The following ASMTL variants were observed in gnomAD, a reference collection of about 807,000 sequenced individuals.
The protein encoded by ASMTL is probable bifunctional dTTP/UTP pyrophosphatase/methyltransferase protein.
A neutral mutation model predicts 60.3 loss-of-function variants in ASMTL; 57 were observed. That is an observed-to-expected ratio of 0.95 (90% CI 0.76 to 1.18). The LOEUF (loss-of-function observed/expected upper bound fraction) is 1.18. Among genes scored for constraint, ASMTL ranks in the 50% most tolerant of loss-of-function variants. The pLI is 0.00. For missense variants in ASMTL, 981 were observed against 852.6 expected (o/e 1.15, Z -1.88); for synonymous variants, 419 against 373.0 (o/e 1.12, Z -1.42).
At chrX:1,430,656 C>T (rs1338953022) in intron 6 of ASMTL, among the ~76,000 whole-genome samples, 1 of 151,744 alleles carries the variant, frequency 6.6e-6, no homozygotes, top group Non-Finnish European at 1.5e-5. Context: ...TCTGCAGACC[C>T]AGCCACTAGT....
At chrX:1,439,759 C>T (rs1290693118) in intron 2 of ASMTL, among the ~76,000 whole-genome samples, 7 of 150,726 alleles carry the variant, frequency 4.6e-5, no homozygotes, top group Admixed American at 4.6e-4. Flanking sequence ...TCGCTTGAAC[C>T]TAGGAGGCGG....
chrX:1,453,099 A>G (rs1249766670), upstream of ASMTL, among the ~76,000 whole-genome samples: 1 of 126,636 alleles, frequency 7.9e-6, no homozygotes, highest in Non-Finnish European at 1.5e-5. Context: ...GGCCACGCCC[A>G]TGTCACGCCC....
intron 7 of ASMTL, among the ~76,000 whole-genome samples, chrX:1,427,404 T>C (rs1384941891): frequency 1.3e-5 from 2 of 151,276 alleles, no homozygotes; most frequent in East Asian, 2.0e-4. Context: ...CAAGAGGAAA[T>C]CATCACGAAG....
intron 3 of ASMTL, 122 bp from the exon 4 acceptor site, chrX:1,435,880 G>C (rs1439603131): frequency 1.3e-5 from 11 of 850,210 alleles, no homozygotes; most frequent in Non-Finnish European, 2.0e-5. Context: ...CGTCCTGAGA[G>C]TCGCCATTTC....
intron 11 of ASMTL, among the ~76,000 whole-genome samples, chrX:1,416,457 G>A (rs1313532114): frequency 3.1e-5 from 2 of 65,512 alleles, no homozygotes; most frequent in African/African-American, 7.2e-5. Flanking sequence ...ATGCACAGAT[G>A]GACACGCAGA....
intron 12 of ASMTL, among the ~76,000 whole-genome samples, chrX:1,410,727 TAAA>T (rs1569531199): frequency 8.0e-6 from 1 of 125,416 alleles, no homozygotes; most frequent in Admixed American, 8.5e-5. Flanking sequence ...AAAAACTTCT[TAAA>T]AAATTAGCTG....
chrX:1,407,609 C>T (rs774952268), intron 12 of ASMTL, among the ~76,000 whole-genome samples: 18 of 152,120 alleles, frequency 1.2e-4, no homozygotes, highest in African/African-American at 2.9e-4. Context: ...GAAGGCCAGA[C>T]GCAGTGGCTC....
At chrX:1,428,232 G>A in intron 6 of ASMTL, 111 bp from the exon 7 acceptor site, 1 of 1,346,554 alleles carries the variant, frequency 7.4e-7, no homozygotes, top group Non-Finnish European at 1.0e-6. Flanking sequence ...GGGAGATCGA[G>A]GCCATCCTGG....
Position 1,452,854 on chromosome X carries a change from G to A in ASMTL, c.-14C>T, listed in dbSNP as rs761362317. 7 of 1,550,096 alleles carry A rather than the reference G, an allele frequency of 4.5e-6. No homozygotes were observed. Among genetic ancestry groups the A allele is most frequent in the African/African-American group, 2.8e-5 (2 of 72,052 alleles). ...GCACAGCACCATGGCGTCCACGCCGGGAGCCGGGCGTCCGCACTTCTGAGC... is the reference window on the plus strand; with the variant it reads ...GCACAGCACCATGGCGTCCACGCCGAGAGCCGGGCGTCCGCACTTCTGAGC... On this transcript the variant is annotated 5_prime_UTR_variant, in exon 1 of 13. Transcript: ENST00000381317.
chrX:1,406,618 AGATG>A (rs1472119708), intron 12 of ASMTL, among the ~76,000 whole-genome samples: 1 of 150,206 alleles, frequency 6.7e-6, no homozygotes, highest in East Asian at 2.0e-4. Context: ...GTAGGTAGGT[AGATG>A]GATGCATGGA....
In ASMTL at chrX:1,421,752, G is replaced by A; in HGVS notation, c.1151C>T (p.Thr384Ile). 1 of 1,613,952 alleles carries A rather than the reference G, an allele frequency of 6.2e-7. No homozygotes were observed. Among genetic ancestry groups the A allele is most frequent in the South Asian group, 1.1e-5 (1 of 91,072 alleles). Residue 384 changes from threonine (T) to isoleucine (I), a missense_variant, in exon 9 of 13, where the codon ACA becomes ATA. Transcript: ENST00000381317. Reference sequence around the variant, plus strand: ...CTCCAGGTATGTAAAGAGGTTCCATGTGAGGTCATTATTGTGCATGATGAA... The same window carrying A: ...CTCCAGGTATGTAAAGAGGTTCCATATGAGGTCATTATTGTGCATGATGAA... The part of the protein sequence containing the change: ...HGFIMHNNDL[T>I]WNLFTYLEFA...
At chrX:1,418,730 C>G (rs2090387825) in intron 10 of ASMTL, among the ~76,000 whole-genome samples, 1 of 152,082 alleles carries the variant, frequency 6.6e-6, no homozygotes, top group Non-Finnish European at 1.5e-5. Flanking sequence ...TCCAGGGGTT[C>G]CAAGGTGCTC....
intron 12 of ASMTL, among the ~76,000 whole-genome samples, chrX:1,411,195 A>C (rs1342135199): frequency 9.0e-5 from 13 of 144,614 alleles, no homozygotes; most frequent in Admixed American, 8.7e-4. Flanking sequence ...AAAAAAAAAA[A>C]GAAGAGAGAT....
At chrX:1,420,290 CCT>C (rs1459238328) in intron 9 of ASMTL, among the ~76,000 whole-genome samples, 3 of 149,618 alleles carry the variant, frequency 2.0e-5, no homozygotes, top group South Asian at 2.1e-4. Context: ...TTTCTGTCTC[CCT>C]GTTTCTGTCT....
chrX:1,411,344 G>A (rs1302684186), intron 12 of ASMTL, among the ~76,000 whole-genome samples: 1 of 152,186 alleles, frequency 6.6e-6, no homozygotes, highest in Non-Finnish European at 1.5e-5. Flanking sequence ...ACCGTTGTCT[G>A]CAAATATTCC....
rs2149274858 is a variant in ASMTL at position 1,412,865 on chromosome X, G to A, written c.1523-11C>T. 4 of 1,613,846 alleles carry A rather than the reference G, an allele frequency of 2.5e-6. No individual in the cohort carries two copies. The South Asian group carries it at 3.3e-5, about 13-fold the overall frequency. Reference sequence around the variant, plus strand: ...CCCTGAAAAAGTCACCTGGTTTAAAGACAAAACGAGATACGTCCGTCAGGT... The same window carrying A: ...CCCTGAAAAAGTCACCTGGTTTAAAAACAAAACGAGATACGTCCGTCAGGT... On this transcript the variant is annotated splice_polypyrimidine_tract_variant and intron_variant, in intron 11 of 12. Coordinates refer to ENST00000381317, the MANE Select transcript of ASMTL (RefSeq NM_004192.4).
At chrX:1,441,378 G>A (rs1327148482) in intron 2 of ASMTL, among the ~76,000 whole-genome samples, 11 of 152,198 alleles carry the variant, frequency 7.2e-5, no homozygotes, top group African/African-American at 1.4e-4. Context: ...CCAGGTTCAC[G>A]CAATTCTCCT....
chrX:1,428,960 G>A (rs184911768), intron 6 of ASMTL, among the ~76,000 whole-genome samples: 7,681 of 151,022 alleles, frequency 0.051, 301 homozygotes, highest in Non-Finnish European at 0.079. Flanking sequence ...GCAGTGGCGC[G>A]ATCTCGGCTC....
chrX:1,403,446 C>G lies in ASMTL; in HGVS notation c.1689G>C (p.Lys563Asn), dbSNP rs775615546. ...LLVETLLDEE[K>N]RVAQRALMQS... Reference sequence around the variant, plus strand: ...GCATCAGGGCGCGCTGCGCCACCCTCTTCTCCTCATCCAGGAGCGTCTCCA... The same window carrying G: ...GCATCAGGGCGCGCTGCGCCACCCTGTTCTCCTCATCCAGGAGCGTCTCCA... The change falls in exon 13 of 13, where the codon AAG (lysine) becomes AAC (asparagine). Residue 563 changes from lysine to asparagine, a missense_variant. By Grantham distance (94) the Lys-to-Asn change is moderately conservative. Transcript: ENST00000381317. 8 of 1,613,242 alleles carry G rather than the reference C, an allele frequency of 5.0e-6. No individual in the cohort carries two copies. The highest frequency in any genetic ancestry group is 1.1e-5 in the South Asian group (1 of 91,084).
Sources: allele counts gnomAD v4.1 joint callset (sites outside exome capture counted in the v4.1 genomes callset), GRCh38; gene constraint gnomAD v4.1.1; transcripts MANE v1.5; gene names NCBI Gene and HGNC (gene_info 2026-07-23, HGNC 2026-07-21).